The following PPP2R2C variants were observed in gnomAD, a reference collection of about 807,000 sequenced individuals.
PPP2R2C encodes the protein protein phosphatase 2, regulatory subunit B, gamma.
Under a neutral mutation model 45.3 loss-of-function variants are expected in PPP2R2C, and 10 were observed. The ratio of observed to expected loss-of-function variants is 0.22; its 90% CI spans 0.14 to 0.37. PPP2R2C has a LOEUF of 0.37. Ranked by LOEUF, PPP2R2C falls within the 10% of genes least tolerant of loss-of-function variation. The probability of loss-of-function intolerance (pLI) is 1.00; values close to 1 mark genes in which losing one functional copy is unlikely to be tolerated. For missense variants in PPP2R2C, 308 were observed against 619.7 expected, an observed-to-expected ratio of 0.50 and a Z score of 5.34; for synonymous variants, 257 against 245.4, an observed-to-expected ratio of 1.05 and a Z score of -0.44.
At chr4:6,545,108 A>G (rs1724935610) in intron 1 of PPP2R2C, among the ~76,000 whole-genome samples, 1 of 152,160 alleles carries the variant, frequency 6.6e-6, no homozygotes, top group Non-Finnish European at 1.5e-5. Context: ...CACCCTCACC[A>G]TACCAGCACC....
At position 6,368,794 on chromosome 4, in the gene PPP2R2C, G is replaced by A. The variant is rs138514355; in HGVS notation, c.625+3729C>T. Reference sequence around the variant, plus strand: ...GGGTCTCCTTGCTGGTTCCCAAGCCGCCAGCCTTGTCTGCTGGAATCCAAT... The same window carrying A: ...GGGTCTCCTTGCTGGTTCCCAAGCCACCAGCCTTGTCTGCTGGAATCCAAT... On this transcript the variant is annotated intron_variant, in intron 5 of 8. Transcript: ENST00000382599. The surrounding 1 kb of genome is among the most constrained non-coding windows in gnomAD (Gnocchi z 4.2). Among the ~76,000 whole-genome samples, 63 of 152,124 alleles carry A rather than the reference G, an allele frequency of 4.1e-4. No individual in the cohort carries two copies. Among genetic ancestry groups the A allele is most frequent in the Non-Finnish European group, 7.1e-4 (48 of 67,994 alleles).
At chr4:6,379,007 G>A (rs1254400454) in intron 2 of PPP2R2C, among the ~76,000 whole-genome samples, 1 of 149,046 alleles carries the variant, frequency 6.7e-6, no homozygotes, top group Non-Finnish European at 1.5e-5. Context: ...GCACCCCTCT[G>A]CCGAGGCCTG....
upstream of PPP2R2C, among the ~76,000 whole-genome samples, chr4:6,474,178 C>T (rs1217032018): frequency 6.6e-6 from 1 of 151,664 alleles, no homozygotes; most frequent in Non-Finnish European, 1.5e-5. Context: ...CTCTCTCTCT[C>T]ACCTGTCTGC....
chr4:6,382,195 A>G, intron 1 of PPP2R2C: 1 of 1,195,638 alleles, frequency 8.4e-7, no homozygotes, highest in Non-Finnish European at 1.1e-6. Context: ...GTTCTAGAAT[A>G]CCATCCCCAT....
rs185713176 is a variant in PPP2R2C, at chr4:6,321,677, A to T, written c.*1625T>A. 2.0e-5 allele frequency: 3 copies of T among 146,402 alleles called. No homozygotes were observed. The Admixed American group carries it at 2.1e-4, about 10-fold the overall frequency. The allele number at this position is 146,402 out of a possible 1,614,324, so 9.1% of individuals were successfully genotyped here. ...CAAAACAAAACAAAACCAAAAAAAA[A>T]GTTTGGATTTGGCTGGGTCTCTGCT... On this transcript the variant is annotated 3_prime_UTR_variant, in exon 9 of 9. Coordinates refer to ENST00000382599, the MANE Select transcript of PPP2R2C (RefSeq NM_020416.4).
chr4:6,453,686 G>T (rs1267560195), intron 1 of PPP2R2C, among the ~76,000 whole-genome samples: 2 of 152,230 alleles, frequency 1.3e-5, no homozygotes, highest in African/African-American at 4.8e-5. Context: ...AAGATGATGG[G>T]GAGGTCGGTG....
At chr4:6,437,281 G>C (rs2109420600) in intron 1 of PPP2R2C, among the ~76,000 whole-genome samples, 1 of 152,348 alleles carries the variant, frequency 6.6e-6, no homozygotes, top group Admixed American at 6.5e-5. Flanking sequence ...AACAAAGCTT[G>C]GTAAAGGGCT....
At chr4:6,414,772 C>G (rs1390137803) in intron 1 of PPP2R2C, among the ~76,000 whole-genome samples, 1 of 152,100 alleles carries the variant, frequency 6.6e-6, no homozygotes, top group African/African-American at 2.4e-5. Flanking sequence ...AATCACTACG[C>G]CATCACTCCT....
upstream of PPP2R2C, among the ~76,000 whole-genome samples, chr4:6,473,739 G>A (rs1055402864): frequency 2.0e-5 from 3 of 152,242 alleles, no homozygotes; most frequent in Admixed American, 6.5e-5. Context: ...GAGTCCAAAG[G>A]CGTTGGGGGC....
chr4:6,533,469 T>G (rs1724473645), intron 2 of PPP2R2C, among the ~76,000 whole-genome samples: 1 of 152,182 alleles, frequency 6.6e-6, no homozygotes, highest in Non-Finnish European at 1.5e-5. Flanking sequence ...GCAGAACAAC[T>G]GTGGGGTGCC....
At chr4:6,513,452 A>C (rs983627157) in intron 2 of PPP2R2C, among the ~76,000 whole-genome samples, 1 of 152,128 alleles carries the variant, frequency 6.6e-6, no homozygotes, top group African/African-American at 2.4e-5. Flanking sequence ...CCAGGGGTGG[A>C]ACAGGGGGTG....
chr4:6,522,674 G>A (rs867376530), intron 2 of PPP2R2C, among the ~76,000 whole-genome samples: 3 of 152,260 alleles, frequency 2.0e-5, no homozygotes, highest in South Asian at 2.1e-4. Flanking sequence ...GTGGCCACAG[G>A]GCACGGAGGG....
At chr4:6,353,530 A>C (rs547560465) in intron 5 of PPP2R2C, among the ~76,000 whole-genome samples, 1 of 5,240 alleles carries the variant, frequency 1.9e-4, no homozygotes, top group Non-Finnish European at 3.1e-4. Context: ...CGACAGCCCC[A>C]CACACCAACA....
intron 1 of PPP2R2C, among the ~76,000 whole-genome samples, chr4:6,537,641 C>G (rs1724675299): frequency 6.6e-6 from 1 of 151,282 alleles, no homozygotes; most frequent in South Asian, 2.1e-4. Context: ...AGCTCCGCCT[C>G]CCAGGTTCAC....
At chr4:6,448,493 A>T (rs561801869) in intron 1 of PPP2R2C, among the ~76,000 whole-genome samples, 6 of 152,154 alleles carry the variant, frequency 3.9e-5, no homozygotes, top group African/African-American at 1.4e-4. Context: ...GCTCCCAGGC[A>T]GACCCTCGAG....
intron 2 of PPP2R2C, among the ~76,000 whole-genome samples, chr4:6,519,898 T>G (rs1308342139): frequency 2.5e-5 from 3 of 121,720 alleles, no homozygotes; most frequent in Admixed American, 8.9e-5. Context: ...GGTGTGGGCT[T>G]GCAGTCAGGT....
At chr4:6,511,291 CTGATGG>C (rs1181463222) in intron 2 of PPP2R2C, among the ~76,000 whole-genome samples, 1 of 98,648 alleles carries the variant, frequency 1.0e-5, no homozygotes, top group Non-Finnish European at 2.3e-5. Context: ...GATGCTGATG[CTGATGG>C]TGGTGGTGAT....
intron 1 of PPP2R2C, among the ~76,000 whole-genome samples, chr4:6,444,200 GTGGC>G (rs1720303249): frequency 6.6e-6 from 1 of 152,248 alleles, no homozygotes; most frequent in Non-Finnish European, 1.5e-5. Context: ...GCTAGAGGCA[GTGGC>G]CCCGAAAATG....
At chr4:6,434,660 C>T (rs1481887368) in intron 1 of PPP2R2C, among the ~76,000 whole-genome samples, 2 of 152,120 alleles carry the variant, frequency 1.3e-5, no homozygotes, top group Non-Finnish European at 2.9e-5. Flanking sequence ...CACCTGGCCT[C>T]TTACTTGTGT....
Sources: allele counts gnomAD v4.1 joint callset (sites outside exome capture counted in the v4.1 genomes callset), GRCh38; gene constraint gnomAD v4.1.1; non-coding constraint Gnocchi (gnomAD v3.1); transcripts MANE v1.5; gene names NCBI Gene and HGNC (gene_info 2026-07-23, HGNC 2026-07-21).